DSCAM: variants seen among roughly 807,000 people sequenced by gnomAD.
DSCAM encodes cell adhesion molecule DSCAM.
A neutral mutation model predicts 217.7 loss-of-function variants in DSCAM; 47 were observed. The observed-to-expected ratio is 0.22, with a 90% confidence interval of 0.17 to 0.28. DSCAM has a LOEUF of 0.28. Among genes scored for constraint, DSCAM ranks in the 10% least tolerant of loss-of-function variants. The pLI, the probability that DSCAM is intolerant of heterozygous loss-of-function variation, is 1.00. For synonymous variants in DSCAM, 1,056 were observed against 1,015.3 expected, an observed-to-expected ratio of 1.04 and a Z score of -0.76; for missense variants, 2,080 against 2,618.3, an observed-to-expected ratio of 0.79 and a Z score of 4.49.
At chr21:40,274,466 A>G (rs558271686) in intron 11 of DSCAM, among the ~76,000 whole-genome samples, 179 of 152,286 alleles carry the variant, frequency 1.2e-3, no homozygotes, top group African/African-American at 4.2e-3. Flanking sequence ...GGTCTTATAT[A>G]TATTGGGTCC....
chr21:40,181,295 T>C (rs2090797712), intron 14 of DSCAM, among the ~76,000 whole-genome samples: 1 of 152,170 alleles, frequency 6.6e-6, no homozygotes, highest in African/African-American at 2.4e-5. Context: ...GTGACTTCTG[T>C]GGCCCCAAAT....
At chr21:40,074,409 A>G (rs1308148870) in intron 27 of DSCAM, among the ~76,000 whole-genome samples, 1 of 152,228 alleles carries the variant, frequency 6.6e-6, no homozygotes, top group East Asian at 1.9e-4. Flanking sequence ...AAGGGCAAGT[A>G]AGGGCTCTTG....
At chr21:40,643,014 C>T (rs1233848912) in intron 3 of DSCAM, among the ~76,000 whole-genome samples, 1 of 152,220 alleles carries the variant, frequency 6.6e-6, no homozygotes, top group East Asian at 1.9e-4. Context: ...CTGTGTGTTT[C>T]AGGCTCCTGG....
At chr21:40,329,866 A>C (rs927942253) in intron 8 of DSCAM, among the ~76,000 whole-genome samples, 1 of 152,022 alleles carries the variant, frequency 6.6e-6, no homozygotes, top group Non-Finnish European at 1.5e-5. Context: ...AGAAAGGAGA[A>C]TGGTGGTTCC....
At chr21:40,139,436 A>G (rs1211616161) in intron 18 of DSCAM, among the ~76,000 whole-genome samples, 1 of 152,026 alleles carries the variant, frequency 6.6e-6, no homozygotes, top group Non-Finnish European at 1.5e-5. Flanking sequence ...GAGGGGACTT[A>G]CAGGTCACAG....
intron 3 of DSCAM, among the ~76,000 whole-genome samples, chr21:40,579,995 A>T (rs1419271971): frequency 1.3e-5 from 2 of 152,040 alleles, no homozygotes; most frequent in Non-Finnish European, 2.9e-5. Flanking sequence ...TGCTACACGG[A>T]TCTTCACTTC....
chr21:40,411,122 C>A (rs2075318787), intron 3 of DSCAM, among the ~76,000 whole-genome samples: 1 of 149,106 alleles, frequency 6.7e-6, no homozygotes, highest in Non-Finnish European at 1.5e-5. Context: ...TAATAAGATT[C>A]AACAATATAT....
intron 3 of DSCAM, among the ~76,000 whole-genome samples, chr21:40,404,428 T>C (rs888294772): frequency 4.6e-5 from 7 of 152,210 alleles, no homozygotes; most frequent in Non-Finnish European, 1.0e-4. Context: ...CAATTGTGTG[T>C]TCACTGGGCC....
At chr21:40,669,654 C>T (rs1348282747) in intron 3 of DSCAM, among the ~76,000 whole-genome samples, 1 of 151,218 alleles carries the variant, frequency 6.6e-6, no homozygotes, top group Non-Finnish European at 1.5e-5. Context: ...TCTTGGCTCA[C>T]TGCAACCTCC....
chr21:40,313,712 A>C (rs1028335598), intron 8 of DSCAM, among the ~76,000 whole-genome samples: 1 of 152,158 alleles, frequency 6.6e-6, no homozygotes, highest in African/African-American at 2.4e-5. Flanking sequence ...GGAGGGCTTA[A>C]ATCATGTCAA....
At chr21:40,829,858 G>A (rs944482359) in intron 1 of DSCAM, among the ~76,000 whole-genome samples, 2 of 152,184 alleles carry the variant, frequency 1.3e-5, no homozygotes, top group African/African-American at 4.8e-5. Context: ...CTCATCTCAG[G>A]AATGAGCTGA....
intron 27 of DSCAM, among the ~76,000 whole-genome samples, chr21:40,070,528 G>C (rs964084376): frequency 6.6e-6 from 1 of 152,202 alleles, no homozygotes; most frequent in Non-Finnish European, 1.5e-5. Context: ...ACTTGGTAAC[G>C]AAAGCTCTAG....
chr21:40,266,754 TATC>T (rs1258167326), intron 11 of DSCAM, among the ~76,000 whole-genome samples: 6 of 121,622 alleles, frequency 4.9e-5, no homozygotes, highest in African/African-American at 1.9e-4. Flanking sequence ...GTTAGATATA[TATC>T]ATCTTGAAAT....
At chr21:40,178,855 T>A in intron 15 of DSCAM, 72 bp downstream of exon 15, 1 of 1,587,704 alleles carries the variant, frequency 6.3e-7, no homozygotes, top group Non-Finnish European at 8.6e-7. Flanking sequence ...TGCTTCTGCA[T>A]TTAAGCATCT....
intron 3 of DSCAM, among the ~76,000 whole-genome samples, chr21:40,538,776 G>C (rs187071992): frequency 1.3e-5 from 2 of 152,236 alleles, no homozygotes; most frequent in Admixed American, 6.5e-5. Context: ...TGAGACTGGG[G>C]AACATGGAGC....
chr21:40,248,977 C>T (rs1483813161), intron 11 of DSCAM, among the ~76,000 whole-genome samples: 1 of 152,170 alleles, frequency 6.6e-6, no homozygotes, highest in African/African-American at 2.4e-5. Context: ...CATCAGATCT[C>T]ATGAGACTTA....
At position 40,709,618 on chromosome 21, in the gene DSCAM, T is replaced by C. The variant is rs372065821; in HGVS notation, c.44-847A>G. On this transcript the variant is annotated intron_variant, in intron 1 of 32. Transcript: ENST00000400454. ...GCTTTTCTGTTCCTGTGTTAGTTTG[T>C]TGAGAATGATGGTTTCCAGCTTCAT... Among the ~76,000 whole-genome samples, 165 of 152,288 alleles carry C rather than the reference T, an allele frequency of 1.1e-3. 1 individual carries two copies. The highest frequency in any genetic ancestry group is 4.8e-3 in the South Asian group (23 of 4,826).
intron 11 of DSCAM, among the ~76,000 whole-genome samples, chr21:40,265,469 C>T (rs769385710): frequency 2.7e-5 from 4 of 146,932 alleles, no homozygotes; most frequent in African/African-American, 5.3e-5. Flanking sequence ...ATACCAACAT[C>T]GTTTTTCACA....
intron 3 of DSCAM, among the ~76,000 whole-genome samples, chr21:40,535,447 TTTCA>T (rs1222307418): frequency 5.9e-5 from 9 of 152,230 alleles, no homozygotes; most frequent in Admixed American, 2.6e-4. Context: ...TTTCCTTAAC[TTTCA>T]TTCAGCCTTT....
Sources: allele counts gnomAD v4.1 joint callset (sites outside exome capture counted in the v4.1 genomes callset), GRCh38; gene constraint gnomAD v4.1.1; transcripts MANE v1.5; gene names NCBI Gene and HGNC (gene_info 2026-07-23, HGNC 2026-07-21).